The following WNT7B variants were observed in gnomAD, a reference collection of about 807,000 sequenced individuals.
WNT7B encodes the protein Wnt family member 7B.
Under a neutral mutation model 38.2 loss-of-function variants are expected in WNT7B, and 19 were observed. The ratio of observed to expected loss-of-function variants is 0.50; its 90% CI spans 0.35 to 0.73. The LOEUF is 0.73. Ranked by LOEUF, WNT7B falls within the 30% of genes least tolerant of loss-of-function variation. The pLI is 0.01. For missense variants in WNT7B, 423 were observed against 507.9 expected, an observed-to-expected ratio of 0.83 and a Z score of 1.61; for synonymous variants, 243 against 209.3, an observed-to-expected ratio of 1.16 and a Z score of -1.39.
At chr22:45,929,980 C>A (rs1238451210) in intron 3 of WNT7B, among the ~76,000 whole-genome samples, 1 of 152,156 alleles carries the variant, frequency 6.6e-6, no homozygotes, top group African/African-American at 2.4e-5. Flanking sequence ...ATCCATCCAA[C>A]AATAACTTAA....
chr22:45,942,946 ATGTGTGCAGTGTGCATGTGTGTGTGCG>A (rs1569116869), intron 2 of WNT7B, among the ~76,000 whole-genome samples: 1 of 143,734 alleles, frequency 7.0e-6, no homozygotes, highest in Non-Finnish European at 1.5e-5. Flanking sequence ...GTAGGCGTGT[ATGTGTGCAGTGTGCATGTGTGTGTGCG>A]TGTGTGCAGT....
At position 45,951,430 on chromosome 22, in the gene WNT7B, G is replaced by T. The variant is rs1396240073; in HGVS notation, c.72-1284C>A. Among the ~76,000 whole-genome samples, 1 of 149,960 alleles carries T rather than the reference G, an allele frequency of 6.7e-6. No homozygotes were observed. Among genetic ancestry groups the T allele is most frequent in the Non-Finnish European group, 1.5e-5 (1 of 67,964 alleles). On this transcript the variant is annotated intron_variant, in intron 1 of 3. Transcript: ENST00000339464. This position sits in a 1 kb window ranked among gnomAD's most constrained non-coding sequence, Gnocchi z 4.8. Reference sequence around the variant, plus strand: ...CCCATAACATAAAATGAACCATTTTGAAGTGTACAGTTCTGTGGCATTTAA... The same window carrying T: ...CCCATAACATAAAATGAACCATTTTTAAGTGTACAGTTCTGTGGCATTTAA...
chr22:45,923,370 GGC>G (rs770339642), intron 3 of WNT7B, 35 bp from the exon 4 acceptor site: 4 of 1,564,158 alleles, frequency 2.6e-6, no homozygotes, highest in Non-Finnish European at 3.5e-6. Flanking sequence ...GGCACGGCAT[GGC>G]CCAAGCTGGG....
Position 45,931,149 on chromosome 22 carries a change from C to T in WNT7B, c.519G>A (p.Lys173=), listed in dbSNP as rs920897413. ...SRRFVDAREI[K]KNARRLMNLH... is the part of the protein sequence containing the mutation. ...GGTTCATGAGGCGCCGCGCGTTCTT[C>T]TTGATCTCCCGAGCGTCCACGAAGC... Residue 173 remains lysine (K), a synonymous_variant, in exon 3 of 4, where the codon AAG becomes AAA. Coordinates refer to ENST00000339464, the MANE Select transcript of WNT7B (RefSeq NM_058238.3). The T allele has an allele frequency of 1.1e-5, 17 of 1,595,646 alleles. No homozygotes were observed. Among genetic ancestry groups the T allele is most frequent in the Admixed American group, 1.7e-5 (1 of 59,842 alleles).
At chr22:45,963,324 C>T (rs1932238033) in intron 1 of WNT7B, among the ~76,000 whole-genome samples, 1 of 152,200 alleles carries the variant, frequency 6.6e-6, no homozygotes, top group African/African-American at 2.4e-5. Flanking sequence ...TAGGCCGCCA[C>T]CGCCTCCTAG....
chr22:45,970,937 G>A (rs1287138012), intron 1 of WNT7B, among the ~76,000 whole-genome samples: 2 of 152,254 alleles, frequency 1.3e-5, no homozygotes, highest in Non-Finnish European at 2.9e-5. Flanking sequence ...AGCGCTCTCT[G>A]TGCCCGGACC....
intron 3 of WNT7B, chr22:45,926,163 C>G: frequency 3.0e-6 from 3 of 985,440 alleles, no homozygotes; most frequent in Non-Finnish European, 3.6e-6. Context: ...GGGTCAGAGC[C>G]TCTCCCAGGA....
intron 1 of WNT7B, among the ~76,000 whole-genome samples, chr22:45,963,170 A>C (rs1217613737): frequency 6.6e-6 from 1 of 152,146 alleles, no homozygotes; most frequent in East Asian, 1.9e-4. Context: ...CATGTGAGCC[A>C]GAGCCAGGCC....
At chr22:45,927,592 G>T in intron 3 of WNT7B, 1 of 1,002,892 alleles carries the variant, frequency 1.0e-6, no homozygotes, top group Non-Finnish European at 1.5e-6. Flanking sequence ...CAATGAGAGT[G>T]TCCATATAAG....
chr22:45,922,667 G>T lies in WNT7B; in HGVS notation c.*189C>A. The T allele has an allele frequency of 2.2e-6, 2 of 902,844 alleles. No homozygotes were observed. Among genetic ancestry groups the T allele is most frequent in the Non-Finnish European group, 3.2e-6 (2 of 617,282 alleles). 55.9% of individuals were successfully genotyped at this position (902,844 alleles called of 1,614,324 possible). Reference sequence around the variant, plus strand: ...CCGCAGGAGGTGATGGGAGGAGGTGGCAGGAAGGAGCCCCAGGGAGGCGGG... The same window carrying T: ...CCGCAGGAGGTGATGGGAGGAGGTGTCAGGAAGGAGCCCCAGGGAGGCGGG... On this transcript the variant is annotated 3_prime_UTR_variant, in exon 4 of 4. Coordinates refer to ENST00000339464, the MANE Select transcript of WNT7B (RefSeq NM_058238.3).
chr22:45,972,116 G>GGGGGGGGGGCCCCCC, intron 1 of WNT7B: 1 of 530,728 alleles, frequency 1.9e-6, no homozygotes, highest in Non-Finnish European at 3.3e-6. Context: ...CCCGGGGGGA[G>GGGGGGGGGGCCCCCC]CCCACCCGCC....
At chr22:45,955,499 T>G (rs1932037373) in intron 1 of WNT7B, among the ~76,000 whole-genome samples, 1 of 152,168 alleles carries the variant, frequency 6.6e-6, no homozygotes, top group South Asian at 2.1e-4. Context: ...GTGTGAAAAC[T>G]CTCAGGGATG....
intron 2 of WNT7B, among the ~76,000 whole-genome samples, chr22:45,940,448 T>G (rs1173530474): frequency 6.6e-6 from 1 of 152,126 alleles, no homozygotes; most frequent in Admixed American, 6.5e-5. Flanking sequence ...TGCCAGCCTC[T>G]TGACACTCTA....
intron 1 of WNT7B, among the ~76,000 whole-genome samples, chr22:45,967,061 A>G: frequency 6.6e-6 from 1 of 152,222 alleles, no homozygotes; most frequent in East Asian, 1.9e-4. Flanking sequence ...GAGGGGCCCC[A>G]GGCAGGCTGA....
Position 45,922,621 on chromosome 22 carries a change from T to A in WNT7B, c.*235A>T. The A allele has an allele frequency of 1.6e-6, 1 of 610,170 alleles. No homozygotes were observed. Among genetic ancestry groups the A allele is most frequent in the African/African-American group, 1.8e-5 (1 of 54,206 alleles). 37.8% of individuals were successfully genotyped at this position (610,170 alleles called of 1,614,324 possible). ...AAGACCCCTGGCCTTGCTCTCTGGGTGGGTCACGGGTGCTGTTCTGCCGCA... is the reference window on the plus strand; with the variant it reads ...AAGACCCCTGGCCTTGCTCTCTGGGAGGGTCACGGGTGCTGTTCTGCCGCA... On this transcript the variant is annotated 3_prime_UTR_variant, in exon 4 of 4. Coordinates refer to ENST00000339464, the MANE Select transcript of WNT7B (RefSeq NM_058238.3).
chr22:45,969,149 A>T (rs939170740), intron 1 of WNT7B, among the ~76,000 whole-genome samples: 4 of 152,306 alleles, frequency 2.6e-5, no homozygotes, highest in Non-Finnish European at 5.9e-5. Context: ...CCGCTGACAA[A>T]GCCACAGCGG....
intron 2 of WNT7B, among the ~76,000 whole-genome samples, chr22:45,933,181 A>T (rs1931422124): frequency 6.6e-6 from 1 of 151,994 alleles, no homozygotes; most frequent in African/African-American, 2.4e-5. Flanking sequence ...TCATGGAGGG[A>T]GCCACAGCTT....
chr22:45,942,609 T>C (rs1348796613), intron 2 of WNT7B, among the ~76,000 whole-genome samples: 1 of 152,194 alleles, frequency 6.6e-6, no homozygotes, highest in Non-Finnish European at 1.5e-5. Flanking sequence ...AGGTGCACTC[T>C]GGCCAGGGAG....
chr22:45,955,191 C>T (rs9330801), intron 1 of WNT7B, among the ~76,000 whole-genome samples: 29,915 of 152,222 alleles, frequency 0.2, 3,726 homozygotes, highest in South Asian at 0.42. Flanking sequence ...GGGCACTGTC[C>T]AGTCTGACCC....
Sources: gnomAD v4.1 joint callset for allele counts (sites outside exome capture counted in the v4.1 genomes callset) on GRCh38, gnomAD v4.1.1 for gene constraint, Gnocchi (gnomAD v3.1) non-coding constraint, MANE v1.5 for transcripts, NCBI Gene and HGNC (gene_info 2026-07-23, HGNC 2026-07-21) for gene names.